Variants in PRDM9 observed in about 807,000 individuals in gnomAD.
PRDM9 encodes histone-lysine N-methyltransferase PRDM9.
In PRDM9, 47 loss-of-function variants were observed where a neutral mutation model predicts 55.6. The observed-to-expected ratio is 0.85, with a 90% CI of 0.67 to 1.08. PRDM9 has a LOEUF of 1.08. Among genes scored for constraint, PRDM9 ranks in the 50% least tolerant of loss-of-function variants. The pLI, the probability that PRDM9 is intolerant of heterozygous loss-of-function variation, is 0.00. For missense variants in PRDM9, 867 were observed against 1,040.3 expected (o/e 0.83, Z 2.29); for synonymous variants, 312 against 375.7 (o/e 0.83, Z 1.96).
rs2126426894 is a variant in PRDM9 at position 23,522,311 on chromosome 5, G to T, written c.516G>T (p.Arg172Ser). ...TACTCTTCTCCAACCTAGAACTCAG[G>T]AAGAAGGAGACTGAAAGAAAGATGT... ...GQHSRLKLEL[R>S]KKETERKMYS... Residue 172 changes from arginine to serine, a missense_variant, in exon 7 of 11, where the codon AGG (arginine) becomes AGT (serine). Transcript: ENST00000296682. 6.2e-7 allele frequency: 1 copy of T among 1,613,438 alleles called. No homozygotes were observed. The highest frequency in any genetic ancestry group is 2.2e-5 in the East Asian group (1 of 44,846).
intron 10 of PRDM9, 95 bp downstream of exon 10, chr5:23,524,622 T>C (rs569677878): frequency 8.5e-5 from 133 of 1,556,110 alleles, no homozygotes; most frequent in Non-Finnish European, 1.1e-4. Flanking sequence ...TAAAATGCCA[T>C]CTAAAGTCAG....
In PRDM9 at chr5:23,523,351, T is replaced by G. The variant is rs185155427; in HGVS notation, c.943T>G (p.Trp315Gly). 50 of 1,612,710 alleles carry G rather than the reference T, an allele frequency of 3.1e-5. No individual in the cohort carries two copies. Among genetic ancestry groups the G allele is most frequent in the Non-Finnish European group, 3.9e-5 (46 of 1,178,828 alleles). ...VDGKDKSWAN[W>G]MRYVNCARDD... ...TGGAAAAGATAAATCCTGGGCCAAC[T>G]GGATGAGGTAAGGCCAGTAGCTCTC... is the stretch of plus-strand genomic sequence containing the variant. The change falls in exon 9 of 11, where the codon TGG becomes GGG. Residue 315 changes from tryptophan (W) to glycine (G), a missense_variant. Transcript: ENST00000296682.
rs748268445 is a variant in PRDM9, at chr5:23,518,533, G to T, written c.351+603G>T. 9.4e-4 allele frequency among the ~76,000 whole-genome samples: 143 copies of T among 152,296 alleles called. 4 individuals are homozygous for T. Among genetic ancestry groups the T allele is most frequent in the Non-Finnish European group, 3.5e-4 (24 of 68,022 alleles). ...CAAGTAAATAGACAGTTCATACTGTGTTTGGTCCCAGAAGGAGATAGGGTC... is the reference window on the plus strand; with the variant it reads ...CAAGTAAATAGACAGTTCATACTGTTTTTGGTCCCAGAAGGAGATAGGGTC... On this transcript the variant is annotated intron_variant, in intron 5 of 10. Coordinates refer to ENST00000296682, the MANE Select transcript of PRDM9 (RefSeq NM_020227.4).
intron 4 of PRDM9, among the ~76,000 whole-genome samples, chr5:23,514,351 A>G (rs977663375): frequency 6.6e-6 from 1 of 152,186 alleles, no homozygotes; most frequent in Non-Finnish European, 1.5e-5. Flanking sequence ...ACTTGTGGGC[A>G]ACCTCCATCT....
Position 23,527,767 on chromosome 5 carries a change from T to C in PRDM9, c.2679T>C (p.Asp893=), listed in dbSNP as rs766545427. The part of the protein sequence containing the change: ...TGEKPYVCRE[D]E ...AGAAGCCCTACGTCTGCAGGGAGGA[T>C]GAGTAAGTCATTAGTAATAAAACCT... Residue 893 remains aspartate, a synonymous_variant, in exon 11 of 11, where the codon GAT becomes GAC. Coordinates refer to ENST00000296682, the MANE Select transcript of PRDM9 (RefSeq NM_020227.4). 3.7e-5 allele frequency: 59 copies of C among 1,613,944 alleles called. No homozygotes were observed. The highest frequency in any genetic ancestry group is 8.3e-5 in the Admixed American group (5 of 59,986).
At chr5:23,511,012 C>T (rs1001989144) in intron 4 of PRDM9, among the ~76,000 whole-genome samples, 9 of 151,412 alleles carry the variant, frequency 5.9e-5, no homozygotes, top group South Asian at 2.1e-4. Flanking sequence ...AAAAATTAGC[C>T]GGGTGTGGTG....
At chr5:23,507,423 G>C (rs941250322), upstream of PRDM9, 1 of 152,376 alleles carries the variant, frequency 6.6e-6, no homozygotes, top group Admixed American at 6.5e-5. Context: ...GGAAGAGCCA[G>C]GCCCCTCCCC....
At chr5:23,520,929 A>G in intron 5 of PRDM9, 94 bp from the exon 6 acceptor site, 1 of 1,430,168 alleles carries the variant, frequency 7.0e-7, no homozygotes, top group Non-Finnish European at 9.7e-7. Context: ...AGGTTTGAAC[A>G]TTAACTAGAG....
intron 4 of PRDM9, 74 bp from the exon 5 acceptor site, chr5:23,517,807 A>G: frequency 7.2e-7 from 1 of 1,387,048 alleles, no homozygotes; most frequent in Non-Finnish European, 1.0e-6. Flanking sequence ...AATAAAAATA[A>G]AAAATAGAAG....
At chr5:23,525,440 A>G (rs1472929431) in intron 10 of PRDM9, among the ~76,000 whole-genome samples, 8 of 152,208 alleles carry the variant, frequency 5.3e-5, no homozygotes, top group Admixed American at 4.6e-4. Context: ...TGAATGAAAT[A>G]TCTCAAAAAT....
At chr5:23,508,791 C>T (rs754818178) in intron 1 of PRDM9, among the ~76,000 whole-genome samples, 159 bp from the exon 2 acceptor site, 7 of 152,118 alleles carry the variant, frequency 4.6e-5, no homozygotes, top group Admixed American at 6.5e-5. Context: ...GAGGCCTTCC[C>T]ATCCCATCAG....
chr5:23,518,576 C>G (rs549512152), intron 5 of PRDM9, among the ~76,000 whole-genome samples: 25 of 152,296 alleles, frequency 1.6e-4, no homozygotes, highest in Admixed American at 5.2e-4. Flanking sequence ...TCATAAGGGA[C>G]CCATTCTGAT....
chr5:23,526,259 C>T lies in PRDM9; in HGVS notation c.1171C>T (p.Pro391Ser). 6.2e-7 allele frequency: 1 copy of T among 1,614,220 alleles called. No individual in the cohort carries two copies. Among genetic ancestry groups the T allele is most frequent in the South Asian group, 1.1e-5 (1 of 91,080 alleles). Residue 391 changes from proline to serine, a missense_variant, in exon 11 of 11, where the codon CCC (proline) becomes TCC (serine). Around this residue, in one of 5 missense-constraint regions of PRDM9, gnomAD observed 662 missense variants for 711.9 expected, o/e 0.93. Coordinates refer to ENST00000296682, the MANE Select transcript of PRDM9 (RefSeq NM_020227.4). ...ACCAAAGCCAGAGATCCATCCATGT[C>T]CCTCATGCTGTCTGGCCTTTTCAAG... ...REPKPEIHPC[P>S]SCCLAFSSQK...
Position 23,526,310 on chromosome 5 carries a change from G to A in PRDM9, c.1222G>A (p.Glu408Lys), listed in dbSNP as rs528121779. 33 of 1,614,100 alleles carry A rather than the reference G, an allele frequency of 2.0e-5. No homozygotes were observed. The South Asian group carries it at 3.5e-4, about 17-fold the overall frequency. ...SSQKFLSQHV[E>K]RNHSSQNFPG... ...TCAGAAATTTCTCAGTCAACATGTA[G>A]AACGCAATCACTCCTCTCAGAACTT... The change falls in exon 11 of 11, where the codon GAA becomes AAA. Residue 408 changes from glutamate to lysine, a missense_variant. By Grantham distance (56) the Glu-to-Lys change is moderately conservative. Transcript: ENST00000296682.
chr5:23,512,497 T>C (rs1739118512), intron 4 of PRDM9, among the ~76,000 whole-genome samples: 1 of 152,190 alleles, frequency 6.6e-6, no homozygotes, highest in Non-Finnish European at 1.5e-5. Flanking sequence ...GTGTTTGCTT[T>C]TCTGCCAATG....
In PRDM9 at chr5:23,516,928, G is replaced by A. The variant is rs1381845459; in HGVS notation, c.302-953G>A. The stretch of plus-strand genomic sequence containing the variant: ...CCAAGATGGGCAGATCACGAGGTCA[G>A]GAGATCAAGACCATCCTGGCTAACA... On this transcript the variant is annotated intron_variant, in intron 4 of 10. Transcript: ENST00000296682. Among the ~76,000 whole-genome samples, 6 of 149,802 alleles carry A rather than the reference G, an allele frequency of 4.0e-5. No homozygotes were observed. In the East Asian group the frequency reaches 6.3e-4, roughly 16 times the overall value.
chr5:23,509,920 G>C lies in PRDM9; in HGVS notation c.194G>C (p.Gly65Ala). The C allele has an allele frequency of 1.2e-6, 2 of 1,613,952 alleles. No individual in the cohort carries two copies. The highest frequency in any genetic ancestry group is 1.7e-6 in the Non-Finnish European group (2 of 1,180,004). ...KRNYNALITI[G>A]LRATRPAFMC... The stretch of plus-strand genomic sequence containing the variant: ...GAACAAAATTTTTGCTTCTTTTCAG[G>C]TCTCAGAGCCACTCGACCAGCTTTC... The change falls in exon 4 of 11, where the codon GGT becomes GCT. Residue 65 changes from glycine (G) to alanine (A), a missense_variant and splice_region_variant. Physicochemically the swap from Gly to Ala is moderately conservative, Grantham distance 60 (BLOSUM62 0). This residue lies in a region of PRDM9 where 662 missense variants were observed against 711.9 expected (regional missense o/e 0.93). Coordinates refer to ENST00000296682, the MANE Select transcript of PRDM9 (RefSeq NM_020227.4).
chr5:23,528,084 C>G lies in PRDM9; in HGVS notation c.*311C>G. 2.2e-6 allele frequency: 1 copy of G among 460,460 alleles called. No individual in the cohort carries two copies. Among genetic ancestry groups the G allele is most frequent in the Non-Finnish European group, 4.0e-6 (1 of 251,406 alleles). The allele number at this position is 460,460 out of a possible 1,614,324, so 28.5% of individuals were successfully genotyped here. A position where few individuals can be genotyped will look rare whatever the true frequency, so the allele number is the denominator to read the frequency against. ...TGTTCTAATAAATTTTGTCTCCATA[C>G]AAATCTGAACCCCAAGTGTGTACCT... On this transcript the variant is annotated 3_prime_UTR_variant, in exon 11 of 11. Transcript: ENST00000296682.
chr5:23,521,004 T>C lies in PRDM9; in HGVS notation c.352-19T>C. The C allele has an allele frequency of 6.2e-7, 1 of 1,613,684 alleles. No homozygotes were observed. The highest frequency in any genetic ancestry group is 8.5e-7 in the Non-Finnish European group (1 of 1,179,598). On this transcript the variant is annotated intron_variant, in intron 5 of 10. Transcript: ENST00000296682. ...AAGAAATTCGTGTTGTCTTTTAATA[T>C]GTGACTCTCACATTAAAGGGAATGC...
Sources: gnomAD v4.1 joint callset for allele counts (sites outside exome capture counted in the v4.1 genomes callset) on GRCh38, gnomAD v4.1.1 for gene constraint, gnomAD v4.1.1 regional missense constraint, MANE v1.5 for transcripts, NCBI Gene and HGNC (gene_info 2026-07-23, HGNC 2026-07-21) for gene names.